Variants in VGLL4 observed in about 807,000 individuals in gnomAD.
The protein encoded by VGLL4 is vestigial like family member 4.
A neutral mutation model predicts 21.0 loss-of-function variants in VGLL4; 7 were observed. That is an observed-to-expected ratio of 0.33 (90% CI 0.19 to 0.63). The LOEUF (loss-of-function observed/expected upper bound fraction) is 0.63. VGLL4 is among the 20% of genes least tolerant of loss of function. The pLI is 0.78. For missense variants in VGLL4, 394 were observed against 425.7 expected (o/e 0.93, Z 0.66); for synonymous variants, 222 against 173.2 (o/e 1.28, Z -2.21).
chr3:11,591,187 A>G (rs2074487386), intron 2 of VGLL4, among the ~76,000 whole-genome samples: 1 of 152,244 alleles, frequency 6.6e-6, no homozygotes, highest in Non-Finnish European at 1.5e-5. Flanking sequence ...TTACATTTTG[A>G]ATACACTTGC....
chr3:11,668,544 G>A (rs1427399583), intron 2 of VGLL4, among the ~76,000 whole-genome samples: 1 of 152,082 alleles, frequency 6.6e-6, no homozygotes, highest in Non-Finnish European at 1.5e-5. Context: ...CTGGGTAAAC[G>A]TTTGAGAAGG....
At position 11,558,469 on chromosome 3, in the gene VGLL4, C is replaced by G; in HGVS notation, c.*87G>C. On this transcript the variant is annotated 3_prime_UTR_variant, in exon 5 of 5. Transcript: ENST00000430365. ...TCCCTTCCCTTCCCCCCACCCCACC[C>G]CCATGATTTTTTTTTTTTTAAGTAC... is the stretch of plus-strand genomic sequence containing the variant. 4 of 1,344,258 alleles carry G rather than the reference C, an allele frequency of 3.0e-6. No homozygotes were observed. Among genetic ancestry groups the G allele is most frequent in the Non-Finnish European group, 4.0e-6 (4 of 1,001,462 alleles). 83.3% of individuals were successfully genotyped at this position (1,344,258 alleles called of 1,614,324 possible).
At chr3:11,709,589 A>AT (rs569155882) in intron 1 of VGLL4, among the ~76,000 whole-genome samples, 82 of 146,374 alleles carry the variant, frequency 5.6e-4, no homozygotes, top group South Asian at 1.5e-3. Flanking sequence ...GTTGTTGTGG[A>AT]TTTTTTTTTT....
intron 1 of VGLL4, among the ~76,000 whole-genome samples, chr3:11,615,081 T>C (rs1451497502): frequency 6.6e-6 from 1 of 152,178 alleles, no homozygotes; most frequent in East Asian, 1.9e-4. Flanking sequence ...ATTTCACCCA[T>C]AAATACTTAA....
rs2075050088 is a variant in VGLL4, at chr3:11,610,967, A to C, written c.83-8945T>G. Among the ~76,000 whole-genome samples the C allele has an allele frequency of 3.3e-5, 5 of 152,222 alleles. No individual in the cohort carries two copies. The South Asian group carries it at 1.0e-3, about 32-fold the overall frequency. ...GGGGAAACTAGTGTTTCAAGAATTAAGTGAATTTCTCAAGGTCGCAAAGCT... is the reference window on the plus strand; with the variant it reads ...GGGGAAACTAGTGTTTCAAGAATTACGTGAATTTCTCAAGGTCGCAAAGCT... On this transcript the variant is annotated intron_variant, in intron 1 of 4. Coordinates refer to ENST00000430365, the MANE Select transcript of VGLL4 (RefSeq NM_001128219.3).
chr3:11,584,385 G>A (rs191365367), intron 2 of VGLL4, among the ~76,000 whole-genome samples: 56 of 152,116 alleles, frequency 3.7e-4, no homozygotes, highest in East Asian at 2.5e-3. Context: ...GTTTCTCCCC[G>A]AGAAACTTGC....
intron 1 of VGLL4, among the ~76,000 whole-genome samples, chr3:11,632,549 T>C (rs1015029890): frequency 2.0e-5 from 3 of 152,132 alleles, no homozygotes; most frequent in African/African-American, 7.2e-5. Flanking sequence ...TCCAAAGAAA[T>C]TTTCTGCAAG....
chr3:11,607,019 A>G (rs1160617367), intron 1 of VGLL4, among the ~76,000 whole-genome samples: 1 of 152,174 alleles, frequency 6.6e-6, no homozygotes, highest in Non-Finnish European at 1.5e-5. Flanking sequence ...CCATGGTGGA[A>G]AACAGTCTGA....
At chr3:11,716,438 T>G (rs1353858925) in intron 1 of VGLL4, among the ~76,000 whole-genome samples, 1 of 152,078 alleles carries the variant, frequency 6.6e-6, no homozygotes, top group Admixed American at 6.6e-5. Context: ...ACTGGGAACA[T>G]GTGCATTGGG....
At chr3:11,692,148 C>A (rs1052807544) in intron 2 of VGLL4, among the ~76,000 whole-genome samples, 1 of 152,188 alleles carries the variant, frequency 6.6e-6, no homozygotes, top group African/African-American at 2.4e-5. Context: ...AACAGTCACC[C>A]TCCTCAAGTG....
intron 2 of VGLL4, among the ~76,000 whole-genome samples, chr3:11,660,119 G>A (rs1285423364): frequency 9.3e-5 from 14 of 150,488 alleles, no homozygotes; most frequent in Admixed American, 8.0e-4. Flanking sequence ...TGGAGATCGC[G>A]CCACTGCACT....
intron 2 of VGLL4, among the ~76,000 whole-genome samples, chr3:11,584,407 A>C (rs1279397785): frequency 2.0e-5 from 3 of 152,242 alleles, no homozygotes; most frequent in Non-Finnish European, 4.4e-5. Flanking sequence ...AATATTATAT[A>C]AATGAATAAA....
chr3:11,667,583 C>T (rs2076145060), intron 2 of VGLL4, among the ~76,000 whole-genome samples: 1 of 152,246 alleles, frequency 6.6e-6, no homozygotes, highest in African/African-American at 2.4e-5. Context: ...TGTGTACTAC[C>T]AGTGTACAGG....
chr3:11,604,268 G>A lies in VGLL4; in HGVS notation c.83-2246C>T, dbSNP rs909529424. ...GCGCCGGAAGGAGCCCAGGAAGCACGGTTTGCCTCATTTGATGGATGACGA... is the reference window on the plus strand; with the variant it reads ...GCGCCGGAAGGAGCCCAGGAAGCACAGTTTGCCTCATTTGATGGATGACGA... On this transcript the variant is annotated intron_variant, in intron 1 of 4. Transcript: ENST00000430365. 9.0e-6 allele frequency: 5 copies of A among 558,128 alleles called. 1 individual carries two copies. The highest frequency in any genetic ancestry group is 1.0e-5 in the Non-Finnish European group (5 of 477,882). 34.6% of individuals were successfully genotyped at this position (558,128 alleles called of 1,614,324 possible).
chr3:11,704,400 A>AG (rs1280132110), intron 1 of VGLL4, among the ~76,000 whole-genome samples: 3 of 148,010 alleles, frequency 2.0e-5, no homozygotes, highest in South Asian at 2.1e-4. Context: ...AAAAAAAAAA[A>AG]AAAAAGAAAA....
intron 1 of VGLL4, among the ~76,000 whole-genome samples, chr3:11,621,692 T>C (rs1325385472): frequency 6.6e-6 from 1 of 152,216 alleles, no homozygotes; most frequent in East Asian, 1.9e-4. Context: ...GGAGTAGAAT[T>C]GCTGGGTCAA....
chr3:11,696,579 A>G (rs527404365), intron 2 of VGLL4, among the ~76,000 whole-genome samples: 1 of 152,222 alleles, frequency 6.6e-6, no homozygotes, highest in South Asian at 2.1e-4. Flanking sequence ...TGTAAACCAA[A>G]TCATGTTTTT....
chr3:11,706,751 A>G (rs746669037), intron 1 of VGLL4, among the ~76,000 whole-genome samples: 14 of 108,358 alleles, frequency 1.3e-4, no homozygotes, highest in Non-Finnish European at 2.5e-4. Context: ...TCTTATCCCC[A>G]GTGCAGTCAT....
At chr3:11,636,620 C>T (rs1361155343) in intron 1 of VGLL4, among the ~76,000 whole-genome samples, 1 of 152,144 alleles carries the variant, frequency 6.6e-6, no homozygotes, top group Non-Finnish European at 1.5e-5. Flanking sequence ...AGCCTTTAAG[C>T]AAATTGTTTA....
Sources: gnomAD v4.1 joint callset for allele counts (sites outside exome capture counted in the v4.1 genomes callset) on GRCh38, gnomAD v4.1.1 for gene constraint, MANE v1.5 for transcripts, NCBI Gene and HGNC (gene_info 2026-07-23, HGNC 2026-07-21) for gene names.